RPH3A: variants seen among roughly 807,000 people sequenced by gnomAD.
The protein encoded by RPH3A is rabphilin 3A.
A neutral mutation model predicts 102.2 loss-of-function variants in RPH3A; 48 were observed. That is an observed-to-expected ratio of 0.47 (90% CI 0.37 to 0.60). The LOEUF is 0.60. RPH3A is among the 20% of genes least tolerant of loss of function. RPH3A has a pLI of 0.00. For missense variants in RPH3A, 781 were observed against 910.1 expected, an observed-to-expected ratio of 0.86 and a Z score of 1.83; for synonymous variants, 310 against 324.3, an observed-to-expected ratio of 0.96 and a Z score of 0.47.
intron 3 of RPH3A, 141 bp from the exon 4 acceptor site, chr12:112,836,350 A>G: frequency 2.5e-6 from 1 of 405,410 alleles, no homozygotes; most frequent in South Asian, 5.7e-5. Context: ...AAATAAGGTA[A>G]TAATGGCTGA....
At chr12:112,615,896 G>C (rs1171411464) in intron 1 of RPH3A, among the ~76,000 whole-genome samples, 1 of 152,092 alleles carries the variant, frequency 6.6e-6, no homozygotes, top group Non-Finnish European at 1.5e-5. Context: ...AATGACGCCT[G>C]GCAGCTAGTA....
chr12:112,817,920 G>A (rs1332916848), intron 2 of RPH3A, among the ~76,000 whole-genome samples: 1 of 152,156 alleles, frequency 6.6e-6, no homozygotes, highest in Non-Finnish European at 1.5e-5. Flanking sequence ...CCTGTTTGCT[G>A]CAAGGTAGCT....
At chr12:112,676,078 T>C (rs2040171971) in intron 1 of RPH3A, among the ~76,000 whole-genome samples, 1 of 152,122 alleles carries the variant, frequency 6.6e-6, no homozygotes, top group South Asian at 2.1e-4. Flanking sequence ...TGAGGAAATC[T>C]GTCTGCGGCC....
At chr12:112,636,125 A>G (rs972330846) in intron 1 of RPH3A, among the ~76,000 whole-genome samples, 8 of 152,202 alleles carry the variant, frequency 5.3e-5, no homozygotes, top group African/African-American at 1.7e-4. Flanking sequence ...AGCTCTTTCT[A>G]TCTTGTTGCT....
intron 1 of RPH3A, among the ~76,000 whole-genome samples, chr12:112,723,220 T>G (rs1395912526): frequency 1.3e-5 from 2 of 152,178 alleles, no homozygotes; most frequent in African/African-American, 4.8e-5. Context: ...CCCCCAAAAC[T>G]TAACTACTAA....
chr12:112,758,377 A>G (rs2040834570), intron 1 of RPH3A, among the ~76,000 whole-genome samples: 1 of 152,214 alleles, frequency 6.6e-6, no homozygotes, highest in Admixed American at 6.5e-5. Context: ...TATTTTCTAG[A>G]GAACCTCTGT....
chr12:112,875,128 G>A lies in RPH3A; in HGVS notation c.841G>A (p.Gly281Ser), dbSNP rs1370233641. Residue 281 changes from glycine to serine, a missense_variant, in exon 11 of 22, where the codon GGC (glycine) becomes AGC (serine). By Grantham distance (56) the Gly-to-Ser change is moderately conservative (BLOSUM62 0). Transcript: ENST00000389385. ...AGTCCAGGCCTCCAGACCTGCCCCA[G>A]GCTCGGTGCAGAGCCCAGCGCCACC... The part of the protein sequence containing the change: ...NSVQASRPAP[G>S]SVQSPAPPQP... The A allele has an allele frequency of 1.9e-6, 3 of 1,610,244 alleles. No individual in the cohort carries two copies. In the South Asian group the frequency reaches 3.3e-5, roughly 18 times the overall value.
intron 14 of RPH3A, among the ~76,000 whole-genome samples, chr12:112,880,852 A>T (rs1201521798): frequency 2.0e-5 from 3 of 152,212 alleles, no homozygotes; most frequent in South Asian, 2.1e-4. Context: ...AAAATTCAAC[A>T]TTTATTGAGA....
intron 1 of RPH3A, among the ~76,000 whole-genome samples, chr12:112,777,220 G>A (rs1315879294): frequency 6.6e-6 from 1 of 152,154 alleles, no homozygotes; most frequent in Admixed American, 6.5e-5. Context: ...TTCGAGTCAG[G>A]TTTACAGGAG....
chr12:112,773,470 T>C (rs994215854), intron 1 of RPH3A, among the ~76,000 whole-genome samples: 1 of 152,164 alleles, frequency 6.6e-6, no homozygotes, highest in Non-Finnish European at 1.5e-5. Context: ...TTCAGCAATG[T>C]CATCTTTTTT....
intron 16 of RPH3A, among the ~76,000 whole-genome samples, chr12:112,884,999 A>G (rs2042981304): frequency 6.6e-6 from 1 of 152,132 alleles, no homozygotes; most frequent in Admixed American, 6.5e-5. Context: ...ATATTCTTTC[A>G]TTTAACATTT....
At chr12:112,772,705 G>C (rs1481613466) in intron 1 of RPH3A, among the ~76,000 whole-genome samples, 1 of 150,110 alleles carries the variant, frequency 6.7e-6, no homozygotes, top group Non-Finnish European at 1.5e-5. Flanking sequence ...TCTTAGGCTT[G>C]CACAGAAATT....
At chr12:112,610,294 G>A (rs2039629154) in intron 1 of RPH3A, among the ~76,000 whole-genome samples, 1 of 152,070 alleles carries the variant, frequency 6.6e-6, no homozygotes, top group African/African-American at 2.4e-5. Context: ...CCTGAGGTTG[G>A]GAGTTCGAAA....
intron 1 of RPH3A, among the ~76,000 whole-genome samples, chr12:112,695,439 A>G (rs1325513214): frequency 6.6e-6 from 1 of 152,230 alleles, no homozygotes; most frequent in Non-Finnish European, 1.5e-5. Flanking sequence ...TGCCTATCTA[A>G]AATAATATAG....
At chr12:112,886,863 G>T (rs939979327) in intron 16 of RPH3A, among the ~76,000 whole-genome samples, 1 of 152,200 alleles carries the variant, frequency 6.6e-6, no homozygotes. Context: ...TTCCTAGCCT[G>T]ACTTTGCAAA....
Position 112,856,685 on chromosome 12 carries a change from C to A in RPH3A, c.231-8729C>A, listed in dbSNP as rs370134119. On this transcript the variant is annotated intron_variant, in intron 5 of 21. Coordinates refer to ENST00000389385, the MANE Select transcript of RPH3A (RefSeq NM_001143854.2). ...GCTTTAGAAAGACAGACTTCGCAGG[C>A]AGATGATAGCATCCTGGTTACCCAG... 2.9e-4 allele frequency among the ~76,000 whole-genome samples: 44 copies of A among 152,274 alleles called. 1 individual carries two copies. The highest frequency in any genetic ancestry group is 2.3e-3 in the South Asian group (11 of 4,822).
chr12:112,874,844 G>T, intron 10 of RPH3A: 1 of 499,590 alleles, frequency 2.0e-6, no homozygotes. Flanking sequence ...CAGGTGGAAG[G>T]AGGATTGTAG....
chr12:112,865,642 C>A (rs905036466), intron 6 of RPH3A, 99 bp downstream of exon 6: 87 of 1,326,730 alleles, frequency 6.6e-5, no homozygotes, highest in Non-Finnish European at 8.9e-5. Context: ...GGGGGTGGAG[C>A]TTGGATCCTG....
intron 1 of RPH3A, among the ~76,000 whole-genome samples, chr12:112,775,221 A>G (rs773527330): frequency 1.3e-5 from 2 of 152,344 alleles, no homozygotes; most frequent in South Asian, 2.1e-4. Context: ...AAAAACAAAA[A>G]CAAAAAATCA....
Sources: allele counts gnomAD v4.1 joint callset (sites outside exome capture counted in the v4.1 genomes callset), GRCh38; gene constraint gnomAD v4.1.1; transcripts MANE v1.5; gene names NCBI Gene and HGNC (gene_info 2026-07-23, HGNC 2026-07-21).